The following PCDHA10 variants were observed in gnomAD, a reference collection of about 807,000 sequenced individuals.
PCDHA10 encodes the protein protocadherin alpha-10.
PCDHA10 carries 45 observed loss-of-function variants against 61.2 expected under a neutral mutation model. That is an observed-to-expected ratio of 0.74 (90% CI 0.58 to 0.94). The LOEUF (loss-of-function observed/expected upper bound fraction) is 0.94, where lower values mean the gene tolerates loss of function less well. PCDHA10 is among the 40% of genes least tolerant of loss of function. The pLI is 0.00. For synonymous variants in PCDHA10, 602 were observed against 548.8 expected (o/e 1.10, Z -1.35); for missense variants, 1,278 against 1,236.2 (o/e 1.03, Z -0.51).
chr5:140,985,533 G>T (rs2097156708), intron 3 of PCDHA10, among the ~76,000 whole-genome samples: 1 of 152,082 alleles, frequency 6.6e-6, no homozygotes, highest in Admixed American at 6.6e-5. Context: ...AAGCTTCACG[G>T]TGAAGATGCA....
rs11350929 is a variant in PCDHA10, at chr5:140,972,660, ATTT to A, written c.2389-6269_2389-6267del. Among the ~76,000 whole-genome samples, 687 of 117,242 alleles carry A rather than the reference ATTT, an allele frequency of 5.9e-3. 9 individuals carry two copies. Among genetic ancestry groups the A allele is most frequent in the African/African-American group, 0.021 (630 of 30,162 alleles). 76.9% of individuals were successfully genotyped at this position (117,242 alleles called of 152,430 possible). A position where few individuals can be genotyped will look rare whatever the true frequency, so the allele number is the denominator to read the frequency against. On this transcript the variant is annotated intron_variant, in intron 1 of 3. Coordinates refer to ENST00000307360, the MANE Select transcript of PCDHA10 (RefSeq NM_018901.4). ...CAGAGTCTCCATAAAAAGAAACCAAATTTTTTTTTTTTTTTTTTTTTTGAGATG... is the reference window on the plus strand; with the variant it reads ...CAGAGTCTCCATAAAAAGAAACCAAATTTTTTTTTTTTTTTTTTTGAGATG...
At chr5:140,915,683 G>A (rs1052949485) in intron 1 of PCDHA10, among the ~76,000 whole-genome samples, 1 of 150,776 alleles carries the variant, frequency 6.6e-6, no homozygotes, top group African/African-American at 2.4e-5. Context: ...TTGAACTAGG[G>A]GTATGGTGAT....
At chr5:140,928,220 C>G in intron 1 of PCDHA10, 1 of 1,614,166 alleles carries the variant, frequency 6.2e-7, no homozygotes. Context: ...GACAATACAC[C>G]AAACTTTCCT....
intron 1 of PCDHA10, among the ~76,000 whole-genome samples, chr5:140,945,587 C>A (rs2093812111): frequency 6.6e-6 from 1 of 152,052 alleles, no homozygotes; most frequent in African/African-American, 2.4e-5. Context: ...TCAAAATATA[C>A]TTCAAAGCTA....
intron 1 of PCDHA10, chr5:140,883,058 C>T (rs782098362): frequency 6.2e-7 from 1 of 1,614,074 alleles, no homozygotes; most frequent in Admixed American, 1.7e-5. Flanking sequence ...AGTGATCAAG[C>T]TAAATGCCAC....
rs2098420479 is a variant in PCDHA10, at chr5:141,011,408, T to TAC, written c.*1472_*1473insCA. 6.5e-6 allele frequency: 1 copy of TAC among 153,814 alleles called. No individual in the cohort carries two copies. The highest frequency in any genetic ancestry group is 2.4e-5 in the African/African-American group (1 of 41,476). 9.5% of individuals were successfully genotyped at this position (153,814 alleles called of 1,614,324 possible). ...GAAATATACTTACTCTGTGCTTGTG[T>TAC]ATGTGAATGTTAATGCAACTATTAC... On this transcript the variant is annotated 3_prime_UTR_variant, in exon 4 of 4. Coordinates refer to ENST00000307360, the MANE Select transcript of PCDHA10 (RefSeq NM_018901.4).
chr5:140,857,988 T>C lies in PCDHA10; in HGVS notation c.1940T>C (p.Leu647Pro), dbSNP rs370495338. 30 of 1,596,780 alleles carry C rather than the reference T, an allele frequency of 1.9e-5. 3 individuals carry two copies. In the African/African-American group the frequency reaches 2.3e-4, roughly 12 times the overall value. Residue 647 changes from leucine to proline, a missense_variant, in exon 1 of 4, where the codon CTG (leucine) becomes CCG (proline). Leu to Pro is a moderately conservative substitution (Grantham distance 98). Coordinates refer to ENST00000307360, the MANE Select transcript of PCDHA10 (RefSeq NM_018901.4). Reference sequence around the variant, plus strand: ...ACTGACTCGCCACGCCAGCGCCTACTGGTGCTGGTGAAGGACCATGGCGAG... The same window carrying C: ...ACTGACTCGCCACGCCAGCGCCTACCGGTGCTGGTGAAGGACCATGGCGAG... ...DETDSPRQRLLVLVKDHGEPS... is the reference protein window; with the variant it reads ...DETDSPRQRLPVLVKDHGEPS...
chr5:140,881,332 C>T (rs923599590), intron 1 of PCDHA10: 7 of 984,540 alleles, frequency 7.1e-6, no homozygotes, highest in South Asian at 9.4e-5. Flanking sequence ...TTAACCAGGA[C>T]GCCGATTCGG....
intron 1 of PCDHA10, chr5:140,858,707 A>T: frequency 3.7e-6 from 2 of 547,914 alleles, no homozygotes; most frequent in South Asian, 2.5e-5. Flanking sequence ...CAAATATGTG[A>T]TATAGGTTGC....
chr5:140,955,595 A>G (rs1366870361), intron 1 of PCDHA10, among the ~76,000 whole-genome samples: 1 of 152,194 alleles, frequency 6.6e-6, no homozygotes, highest in Admixed American at 6.5e-5. Context: ...TCTTTCTTTT[A>G]TAAATTACCC....
intron 3 of PCDHA10, among the ~76,000 whole-genome samples, chr5:140,997,092 A>C (rs2097758868): frequency 6.6e-6 from 1 of 152,160 alleles, no homozygotes; most frequent in South Asian, 2.1e-4. Flanking sequence ...GAAAGTGCAG[A>C]GTTCTCATGC....
chr5:140,883,259 G>A (rs573584031), intron 1 of PCDHA10: 1 of 1,614,000 alleles, frequency 6.2e-7, no homozygotes, highest in East Asian at 2.2e-5. Flanking sequence ...TATTCCAATG[G>A]CGGGTCATTG....
At chr5:140,984,976 C>A (rs905264957) in intron 3 of PCDHA10, among the ~76,000 whole-genome samples, 8 of 151,910 alleles carry the variant, frequency 5.3e-5, no homozygotes, top group African/African-American at 1.9e-4. Flanking sequence ...CTCGCTCTGT[C>A]CCCCAGGCTG....
chr5:140,999,885 G>A (rs1250861955), intron 3 of PCDHA10, among the ~76,000 whole-genome samples: 1 of 152,200 alleles, frequency 6.6e-6, no homozygotes, highest in Non-Finnish European at 1.5e-5. Context: ...TAGCCCAGCT[G>A]TAGCTTGGGA....
At chr5:140,973,665 T>C (rs1309458037) in intron 1 of PCDHA10, among the ~76,000 whole-genome samples, 2 of 152,248 alleles carry the variant, frequency 1.3e-5, no homozygotes, top group Non-Finnish European at 2.9e-5. Context: ...CTATTTATTG[T>C]AGCTTGAATG....
At chr5:140,941,321 T>C (rs1220701599) in intron 1 of PCDHA10, among the ~76,000 whole-genome samples, 5 of 62,540 alleles carry the variant, frequency 8.0e-5, no homozygotes, top group African/African-American at 2.0e-4. Context: ...TTCTTTCTCT[T>C]TTTTTTTTTT....
At chr5:140,909,972 T>C (rs948733470) in intron 1 of PCDHA10, among the ~76,000 whole-genome samples, 1 of 152,220 alleles carries the variant, frequency 6.6e-6, no homozygotes. Context: ...TGGGGAAGGA[T>C]GGGAGAAAGA....
intron 3 of PCDHA10, among the ~76,000 whole-genome samples, chr5:140,991,237 A>G (rs2097440162): frequency 6.6e-6 from 1 of 152,186 alleles, no homozygotes; most frequent in African/African-American, 2.4e-5. Context: ...ATGCAGTGGT[A>G]AAGGCAGTAT....
At chr5:140,882,076 G>T in intron 1 of PCDHA10, 1 of 920,546 alleles carries the variant, frequency 1.1e-6, no homozygotes. Flanking sequence ...TGCGCATGGT[G>T]TCGCTCTTCA....
Sources: gnomAD v4.1 joint callset for allele counts (sites outside exome capture counted in the v4.1 genomes callset) on GRCh38, gnomAD v4.1.1 for gene constraint, MANE v1.5 for transcripts, NCBI Gene and HGNC (gene_info 2026-07-23, HGNC 2026-07-21) for gene names.